The following PYY variants were observed in gnomAD, a reference collection of about 807,000 sequenced individuals.
PYY encodes peptide tyrosine tyrosine.
PYY carries 12 observed loss-of-function variants against 10.3 expected under a neutral mutation model. The ratio of observed to expected loss-of-function variants is 1.17; its 90% CI spans 0.75 to 1.89. The LOEUF (loss-of-function observed/expected upper bound fraction) is 1.89, where lower values mean the gene tolerates loss of function less well. Ranked by LOEUF, PYY falls within the 40% of genes most tolerant of loss-of-function variation. The pLI, the probability that PYY is intolerant of heterozygous loss-of-function variation, is 0.00. For synonymous variants in PYY, 66 were observed against 62.0 expected (o/e 1.06, Z -0.30); for missense variants, 141 against 134.0 (o/e 1.05, Z -0.26).
rs2048717135 is a variant in PYY, at chr17:43,962,246, T to C, written c.-218+4042A>G. Among the ~76,000 whole-genome samples, 3 of 152,174 alleles carry C rather than the reference T, an allele frequency of 2.0e-5. No homozygotes were observed. The South Asian group carries it at 6.2e-4, about 32-fold the overall frequency. ...AGAAGGAATGGGGGTACCCTCTCAC[T>C]CCTCTATTTCCCCCCTTCCATGACC... On this transcript the variant is annotated intron_variant, in intron 2 of 6. Coordinates refer to the PYY transcript ENST00000360085.
Position 44,001,531 on chromosome 17 carries a change from C to T in PYY, c.-463+2860G>A, listed in dbSNP as rs545122936. Among the ~76,000 whole-genome samples, 179 of 152,306 alleles carry T rather than the reference C, an allele frequency of 1.2e-3. 1 individual carries two copies. The highest frequency in any genetic ancestry group is 4.0e-3 in the African/African-American group (167 of 41,554). On this transcript the variant is annotated intron_variant, in intron 1 of 6. Transcript: ENST00000360085. ...TTCTCCTCCAGAAAGCAGGGCCAGT[C>T]CCCAACCAGAGGAGAGGTGGAGGGG...
chr17:43,982,538 G>A (rs1320975308), intron 1 of PYY, among the ~76,000 whole-genome samples: 1 of 152,234 alleles, frequency 6.6e-6, no homozygotes, highest in Admixed American at 6.5e-5. Context: ...CTTACAGGCA[G>A]AGTCAGGCAA....
chr17:43,986,579 C>T (rs2048917384), intron 1 of PYY, among the ~76,000 whole-genome samples: 1 of 152,202 alleles, frequency 6.6e-6, no homozygotes, highest in South Asian at 2.1e-4. Context: ...CAGCAAGCCA[C>T]TTTGCCTTCC....
intron 1 of PYY, among the ~76,000 whole-genome samples, chr17:43,992,233 T>A (rs1334874133): frequency 6.6e-6 from 1 of 152,094 alleles, no homozygotes; most frequent in Admixed American, 6.5e-5. Context: ...AAAGTGCTCA[T>A]TACAGCATCA....
At position 43,973,505 on chromosome 17, in the gene PYY, AAAAC is replaced by A. The variant is rs374446263; in HGVS notation, c.-462-6977_-462-6974del. Among the ~76,000 whole-genome samples, 926 of 152,282 alleles carry A rather than the reference AAAAC, an allele frequency of 6.1e-3. 12 individuals are homozygous for A. Among genetic ancestry groups the A allele is most frequent in the African/African-American group, 0.021 (882 of 41,570 alleles). ...TCAATCTATTCCTATACGTTACTGA[AAAAC>A]AAAGCTGGGCGTGGTTGCTCACGTC... is the stretch of plus-strand genomic sequence containing the variant. On this transcript the variant is annotated intron_variant, in intron 1 of 6. Transcript: ENST00000360085.
chr17:44,002,437 G>A (rs1360146889), intron 1 of PYY, among the ~76,000 whole-genome samples: 1 of 152,172 alleles, frequency 6.6e-6, no homozygotes, highest in African/African-American at 2.4e-5. Flanking sequence ...TGCCACTGAC[G>A]AGCTGTGTGA....
chr17:43,958,135 C>CAAAAAAAAAAAAAAAAACA (rs2048687251), upstream of PYY: 1 of 47,276 alleles, frequency 2.1e-5, no homozygotes, highest in Admixed American at 3.3e-4. Flanking sequence ...CTGAATACAC[C>CAAAAAAAAAAAAAAAAACA]AAAAAAAAAA....
intron 1 of PYY, among the ~76,000 whole-genome samples, chr17:43,978,225 G>C (rs1259315500): frequency 1.4e-5 from 2 of 147,624 alleles, no homozygotes; most frequent in East Asian, 4.0e-4. Flanking sequence ...GAAAGAGAGA[G>C]AAAGAAAGAA....
Position 43,953,352 on chromosome 17 carries a change from C to T in PYY, c.132G>A (p.Glu44=). ...GCAGGGAGGCGTAGTAGCGGTTCAG[C>T]TCCTCCGGCGAGGCGTCTTCGCGGG... ...EAPREDASPE[E]LNRYYASLRH... The change falls in exon 2 of 4, where the codon GAG becomes GAA. Residue 44 remains glutamate, a synonymous_variant. Transcript: ENST00000692052. The T allele has an allele frequency of 6.2e-7, 1 of 1,612,516 alleles. No individual in the cohort carries two copies. Among genetic ancestry groups the T allele is most frequent in the Non-Finnish European group, 8.5e-7 (1 of 1,179,452 alleles).
intron 1 of PYY, among the ~76,000 whole-genome samples, chr17:43,993,090 G>A (rs938848700): frequency 1.3e-5 from 2 of 152,208 alleles, no homozygotes; most frequent in African/African-American, 4.8e-5. Context: ...AAGGAGGGTG[G>A]AATGCTTGAG....
upstream of PYY, among the ~76,000 whole-genome samples, chr17:43,954,234 A>T (rs991821806): frequency 3.3e-5 from 5 of 152,006 alleles, no homozygotes; most frequent in Non-Finnish European, 5.9e-5. Context: ...AAGCGGTTGG[A>T]TCTAGACTCC....
chr17:43,962,007 T>C (rs528050081), intron 2 of PYY, among the ~76,000 whole-genome samples: 1 of 152,166 alleles, frequency 6.6e-6, no homozygotes, highest in Admixed American at 6.5e-5. Flanking sequence ...TTCCTTTCAC[T>C]CTTTCCCATC....
chr17:43,998,053 C>T (rs962575904), intron 1 of PYY, among the ~76,000 whole-genome samples: 2 of 152,128 alleles, frequency 1.3e-5, no homozygotes, highest in Admixed American at 1.3e-4. Flanking sequence ...ATTCTCCTGC[C>T]TTAGCCTCCT....
intron 1 of PYY, among the ~76,000 whole-genome samples, chr17:43,982,573 GT>G (rs1482263208): frequency 6.6e-6 from 1 of 152,232 alleles, no homozygotes; most frequent in East Asian, 1.9e-4. Flanking sequence ...TTTAGCTAAG[GT>G]TGTGGTAGAA....
chr17:43,952,965 G>T lies in PYY; in HGVS notation c.285C>A (p.Asp95Glu). Residue 95 changes from aspartate to glutamate, a missense_variant, in exon 4 of 4, where the codon GAC (aspartate) becomes GAA (glutamate). Physicochemically the swap from Asp to Glu is conservative, Grantham distance 45 (BLOSUM62 2). Transcript: ENST00000692052. The part of the protein sequence containing the change: ...RPVRSRSEGP[D>E]LW The stretch of plus-strand genomic sequence containing the variant: ...GAGGCCTCAGGGGTCCTCACCACAG[G>T]TCTGGGCCCTCCGACCTGCGGAAGC... 1 of 1,566,978 alleles carries T rather than the reference G, an allele frequency of 6.4e-7. No individual in the cohort carries two copies. Among genetic ancestry groups the T allele is most frequent in the Non-Finnish European group, 8.6e-7 (1 of 1,156,634 alleles).
chr17:43,984,729 T>C lies in PYY; in HGVS notation c.-462-18197A>G, dbSNP rs528735731. 4.6e-5 allele frequency among the ~76,000 whole-genome samples: 7 copies of C among 152,356 alleles called. No individual in the cohort carries two copies. In the South Asian group the frequency reaches 1.2e-3, roughly 27 times the overall value. On this transcript the variant is annotated intron_variant, in intron 1 of 6. Coordinates refer to the PYY transcript ENST00000360085. ...CTGGAAGGCCCATACCAGGCAGTCC[T>C]CTGCACTGCCACATCTATGCCCTGC... is the stretch of plus-strand genomic sequence containing the variant.
At chr17:43,957,029 C>T (rs2048676787), upstream of PYY, among the ~76,000 whole-genome samples, 1 of 151,948 alleles carries the variant, frequency 6.6e-6, no homozygotes, top group Non-Finnish European at 1.5e-5. Flanking sequence ...GAAACCCCAT[C>T]TGTACTACAA....
At chr17:43,954,525 C>T (rs1331420913), upstream of PYY, among the ~76,000 whole-genome samples, 1 of 152,122 alleles carries the variant, frequency 6.6e-6, no homozygotes, top group Non-Finnish European at 1.5e-5. Flanking sequence ...AGAGGCCTCT[C>T]TGAACACTCC....
At chr17:43,972,831 C>T (rs918051861) in intron 1 of PYY, among the ~76,000 whole-genome samples, 9 of 152,170 alleles carry the variant, frequency 5.9e-5, no homozygotes, top group African/African-American at 2.2e-4. Context: ...ATTCTCCTGC[C>T]TCAGCCTCCC....
Sources: allele counts gnomAD v4.1 joint callset (sites outside exome capture counted in the v4.1 genomes callset), GRCh38; gene constraint gnomAD v4.1.1; transcripts MANE v1.5; gene names NCBI Gene and HGNC (gene_info 2026-07-23, HGNC 2026-07-21).